The following DNAAF11 variants were observed in gnomAD, a reference collection of about 807,000 sequenced individuals.
DNAAF11 encodes dynein axonemal assembly factor 11.
A neutral mutation model predicts 60.8 loss-of-function variants in DNAAF11; 45 were observed. That is an observed-to-expected ratio of 0.74 (90% confidence interval 0.58 to 0.95). The LOEUF is 0.95. Ranked by LOEUF, DNAAF11 falls within the 40% of genes least tolerant of loss-of-function variation. The pLI, the probability that DNAAF11 is intolerant of heterozygous loss-of-function variation, is 0.00. For missense variants in DNAAF11, 546 were observed against 546.2 expected (o/e 1.00, Z 0.00); for synonymous variants, 191 against 183.5 (o/e 1.04, Z -0.33).
intron 10 of DNAAF11, among the ~76,000 whole-genome samples, chr8:132,598,696 G>T (rs956411134): frequency 6.6e-6 from 1 of 152,118 alleles, no homozygotes; most frequent in Non-Finnish European, 1.5e-5. Flanking sequence ...TATTATCTCT[G>T]CTAGAAATAA....
At chr8:132,637,701 G>A (rs1312877084) in intron 4 of DNAAF11, among the ~76,000 whole-genome samples, 1 of 152,098 alleles carries the variant, frequency 6.6e-6, no homozygotes, top group Non-Finnish European at 1.5e-5. Flanking sequence ...GTCAAATTAA[G>A]TTCTGTGTGT....
chr8:132,671,874 CAAAT>C (rs773262645), intron 1 of DNAAF11, among the ~76,000 whole-genome samples: 9 of 149,192 alleles, frequency 6.0e-5, no homozygotes, highest in Non-Finnish European at 1.2e-4. Flanking sequence ...AAAATTGAGT[CAAAT>C]GAATGATGGA....
At chr8:132,679,281 G>A (rs2130936865), upstream of DNAAF11, among the ~76,000 whole-genome samples, 1 of 152,304 alleles carries the variant, frequency 6.6e-6, no homozygotes, top group South Asian at 2.1e-4. Flanking sequence ...CAAAATTCCT[G>A]ACACTTATTG....
chr8:132,675,694 G>C, upstream of DNAAF11: 1 of 465,520 alleles, frequency 2.1e-6, no homozygotes, highest in Non-Finnish European at 3.8e-6. Flanking sequence ...GCAGTGAAGG[G>C]GCTCAGCAGA....
chr8:132,665,337 T>C (rs1338591284), intron 1 of DNAAF11, among the ~76,000 whole-genome samples: 1 of 152,196 alleles, frequency 6.6e-6, no homozygotes. Context: ...TTATATACTG[T>C]CTAATTTAGA....
chr8:132,656,893 GT>G lies in DNAAF11; in HGVS notation c.192del (p.Lys64AsnfsTer8). On this transcript the variant is annotated frameshift_variant, in exon 3 of 12. Coordinates refer to ENST00000620350, the MANE Select transcript of DNAAF11 (RefSeq NM_012472.6). LOFTEE classifies it high-confidence loss of function. ...NLIGKIENVS[K>X]LKKLEYLNLA... ...AAATTCAAATATTCAAGTTTCTTGAGTTTGCTAACATTTTCTGAAATACAAG... is the reference window on the plus strand; with the variant it reads ...AAATTCAAATATTCAAGTTTCTTGAGTTGCTAACATTTTCTGAAATACAAG... 2 of 1,354,964 alleles carry G rather than the reference GT, an allele frequency of 1.5e-6. No individual in the cohort carries two copies. The highest frequency in any genetic ancestry group is 2.1e-6 in the Non-Finnish European group (2 of 966,524). The allele number at this position is 1,354,964 out of a possible 1,614,324, so 83.9% of individuals were successfully genotyped here. A position where few individuals can be genotyped will look rare whatever the true frequency, so the allele number is the denominator to read the frequency against.
intron 1 of DNAAF11, among the ~76,000 whole-genome samples, chr8:132,663,148 C>T (rs1289267191): frequency 6.6e-6 from 1 of 152,188 alleles, no homozygotes; most frequent in Non-Finnish European, 1.5e-5. Context: ...CCCAAAGCGC[C>T]CAGGAAGGAG....
chr8:132,696,686 A>T, the DNAAF11 span, among the ~76,000 whole-genome samples: 1 of 152,244 alleles, frequency 6.6e-6, no homozygotes, highest in Non-Finnish European at 1.5e-5. Flanking sequence ...TGGTGCATAT[A>T]CACCATGGAA....
chr8:132,620,751 C>T (rs1002886717), intron 7 of DNAAF11, among the ~76,000 whole-genome samples: 3 of 152,042 alleles, frequency 2.0e-5, no homozygotes, highest in East Asian at 1.9e-4. Flanking sequence ...CATGGGGGCA[C>T]GTGGTTGTTT....
the DNAAF11 span, among the ~76,000 whole-genome samples, chr8:132,691,660 CT>C: frequency 1.7e-3 from 252 of 152,044 alleles, 1 homozygote; most frequent in African/African-American, 5.2e-3. Context: ...GAGAGAGAGA[CT>C]TTTTTTTAAA....
At chr8:132,578,834 G>A (rs1815028644) in intron 11 of DNAAF11, among the ~76,000 whole-genome samples, 1 of 152,208 alleles carries the variant, frequency 6.6e-6, no homozygotes, top group South Asian at 2.1e-4. Flanking sequence ...GAGCACTTGG[G>A]GAGCCCTTGA....
intron 10 of DNAAF11, among the ~76,000 whole-genome samples, chr8:132,592,720 A>C (rs772640764): frequency 2.6e-5 from 4 of 152,188 alleles, no homozygotes; most frequent in Non-Finnish European, 4.4e-5. Context: ...TGTAGTAATA[A>C]GGTAAGAGAT....
intron 2 of DNAAF11, among the ~76,000 whole-genome samples, chr8:132,659,520 T>C (rs1013064214): frequency 1.7e-4 from 26 of 152,296 alleles, no homozygotes; most frequent in African/African-American, 5.8e-4. Flanking sequence ...GGGAACTCTT[T>C]TAGATCTGTA....
chr8:132,578,627 A>G, intron 11 of DNAAF11: 1 of 643,766 alleles, frequency 1.6e-6, no homozygotes, highest in Non-Finnish European at 2.6e-6. Context: ...TCCTTTTATC[A>G]AAAAACATAA....
At chr8:132,608,150 G>A (rs1008090782) in intron 10 of DNAAF11, among the ~76,000 whole-genome samples, 1 of 151,972 alleles carries the variant, frequency 6.6e-6, no homozygotes, top group African/African-American at 2.4e-5. Context: ...ACTACTTATG[G>A]ATGAAAAAGA....
chr8:132,622,770 T>C, intron 6 of DNAAF11, 82 bp from the exon 7 acceptor site: 1 of 974,342 alleles, frequency 1.0e-6, no homozygotes, highest in South Asian at 1.4e-5. Context: ...AATTAATACA[T>C]TTTTGTGAAA....
intron 1 of DNAAF11, among the ~76,000 whole-genome samples, chr8:132,663,934 T>C (rs1270747637): frequency 2.0e-5 from 3 of 152,092 alleles, no homozygotes; most frequent in Non-Finnish European, 4.4e-5. Flanking sequence ...TACATGGGTG[T>C]TAGGGGCCAG....
At chr8:132,580,722 A>T (rs1436912716) in intron 11 of DNAAF11, among the ~76,000 whole-genome samples, 4 of 152,220 alleles carry the variant, frequency 2.6e-5, no homozygotes, top group Admixed American at 2.6e-4. Flanking sequence ...AAAAGGACAG[A>T]GAGATACTAA....
chr8:132,615,668 A>T (rs1819075991), intron 7 of DNAAF11, among the ~76,000 whole-genome samples: 1 of 152,196 alleles, frequency 6.6e-6, no homozygotes, highest in Non-Finnish European at 1.5e-5. Flanking sequence ...TAGCTGAATT[A>T]TAATAAATGC....
Sources: gnomAD v4.1 joint callset for allele counts (sites outside exome capture counted in the v4.1 genomes callset) on GRCh38, gnomAD v4.1.1 for gene constraint, MANE v1.5 for transcripts, NCBI Gene and HGNC (gene_info 2026-07-23, HGNC 2026-07-21) for gene names.